Variants in CD8B observed in about 807,000 individuals in gnomAD.
The protein encoded by CD8B is CD8 subunit beta.
Under a neutral mutation model 24.2 loss-of-function variants are expected in CD8B, and 6 were observed. The observed-to-expected ratio is 0.25, with a 90% CI of 0.14 to 0.49. The LOEUF (loss-of-function observed/expected upper bound fraction) is 0.49, where lower values mean the gene tolerates loss of function less well. Ranked by LOEUF, CD8B falls within the 20% of genes least tolerant of loss-of-function variation. The probability of loss-of-function intolerance (pLI) is 0.98; values close to 1 mark genes in which losing one functional copy is unlikely to be tolerated. For missense variants in CD8B, 196 were observed against 271.3 expected, an observed-to-expected ratio of 0.72 and a Z score of 1.95; for synonymous variants, 84 against 108.3, an observed-to-expected ratio of 0.78 and a Z score of 1.39.
chr2:86,833,548 G>A (rs566204307), downstream of CD8B, among the ~76,000 whole-genome samples: 3 of 77,610 alleles, frequency 3.9e-5, no homozygotes, highest in African/African-American at 5.3e-5. Flanking sequence ...CCTCCCGTCC[G>A]CTCTCCTCCC....
At chr2:86,832,222 TA>T (rs1674928886) in intron 5 of CD8B, among the ~76,000 whole-genome samples, 1 of 152,208 alleles carries the variant, frequency 6.6e-6, no homozygotes, top group South Asian at 2.1e-4. Context: ...CTCACGCCTG[TA>T]ATCCCAGCAC....
intron 5 of CD8B, among the ~76,000 whole-genome samples, chr2:86,819,064 C>T (rs1011234953): frequency 1.3e-5 from 2 of 152,182 alleles, no homozygotes; most frequent in Non-Finnish European, 2.9e-5. Context: ...AGTCCCAACT[C>T]TCTTAAATTT....
rs2104539112 is a variant in CD8B at position 86,841,701 on chromosome 2, G to A, written c.*606C>T. The A allele has an allele frequency of 1.0e-6, 1 of 985,514 alleles. No individual in the cohort carries two copies. The highest frequency in any genetic ancestry group is 1.2e-6 in the Non-Finnish European group (1 of 829,990). The allele number at this position is 985,514 out of a possible 1,614,324, so 61.0% of individuals were successfully genotyped here. A position where few individuals can be genotyped will look rare whatever the true frequency, so the allele number is the denominator to read the frequency against. Reference sequence around the variant, plus strand: ...GAAATGGGAGCTGAGAAACTTAAGAGTAGAAATGGGAGCTGAGAAGATGAA... The same window carrying A: ...GAAATGGGAGCTGAGAAACTTAAGAATAGAAATGGGAGCTGAGAAGATGAA... On this transcript the variant is annotated 3_prime_UTR_variant, in exon 6 of 6. Transcript: ENST00000390655.
intron 5 of CD8B, among the ~76,000 whole-genome samples, chr2:86,816,503 A>T (rs991990460): frequency 6.6e-6 from 1 of 152,212 alleles, no homozygotes. Context: ...GGGACCCATT[A>T]TTCCACATAT....
chr2:86,840,839 G>A lies in CD8B; in HGVS notation c.*1468C>T, dbSNP rs1030362387. 2.0e-5 allele frequency among the ~76,000 whole-genome samples: 3 copies of A among 152,070 alleles called. No homozygotes were observed. The highest frequency in any genetic ancestry group is 1.3e-4 in the Admixed American group (2 of 15,258). ...CACCACACCTCATTCTGCTGCGGCC[G>A]CACCCCAGATGCCAGGAGAAGGTCA... On this transcript the variant is annotated 3_prime_UTR_variant, in exon 6 of 6. Transcript: ENST00000390655.
At chr2:86,833,535 T>G, downstream of CD8B, among the ~76,000 whole-genome samples, 2 of 78,912 alleles carry the variant, frequency 2.5e-5, no homozygotes, top group South Asian at 5.2e-4. Context: ...TCCGCTCTCC[T>G]CCCCTCCCGT....
intron 1 of CD8B, among the ~76,000 whole-genome samples, chr2:86,861,574 T>C (rs1313164083): frequency 6.6e-6 from 1 of 152,172 alleles, no homozygotes; most frequent in East Asian, 1.9e-4. Context: ...CCCCTTCTCC[T>C]GCGTCCAGGC....
At chr2:86,821,781 C>A (rs1429736691) in intron 5 of CD8B, 2 of 413,520 alleles carry the variant, frequency 4.8e-6, no homozygotes, top group Non-Finnish European at 1.0e-5. Flanking sequence ...CAGGGGAAAG[C>A]CCCCACAAAC....
At chr2:86,858,530 T>C (rs1676403458) in intron 1 of CD8B, 114 bp from the exon 2 acceptor site, 1 of 1,454,348 alleles carries the variant, frequency 6.9e-7, no homozygotes, top group African/African-American at 1.5e-5. Context: ...CCTGCCCAGT[T>C]ACTGGGTCCA....
intron 4 of CD8B, among the ~76,000 whole-genome samples, chr2:86,845,427 A>G (rs1234389169): frequency 6.6e-6 from 1 of 151,746 alleles, no homozygotes; most frequent in Non-Finnish European, 1.5e-5. Context: ...AAGCATGTCT[A>G]TTGACATTTG....
intron 5 of CD8B, among the ~76,000 whole-genome samples, chr2:86,827,937 C>G (rs1674756699): frequency 6.6e-6 from 1 of 152,182 alleles, no homozygotes; most frequent in African/African-American, 2.4e-5. Context: ...ACTGCCTTGG[C>G]TCTTGTTCCC....
At chr2:86,832,474 T>C (rs1248629578) in intron 5 of CD8B, among the ~76,000 whole-genome samples, 1 of 128,960 alleles carries the variant, frequency 7.8e-6, no homozygotes, top group East Asian at 2.0e-4. Context: ...TGAGACTCGA[T>C]CTCAAAAAAT....
chr2:86,847,477 C>G (rs1675742751), intron 3 of CD8B, among the ~76,000 whole-genome samples: 1 of 152,172 alleles, frequency 6.6e-6, no homozygotes, highest in South Asian at 2.1e-4. Context: ...GAATTAATCA[C>G]CACTGATAAT....
At chr2:86,843,069 A>C (rs1675511784) in intron 5 of CD8B, among the ~76,000 whole-genome samples, 1 of 152,198 alleles carries the variant, frequency 6.6e-6, no homozygotes, top group South Asian at 2.1e-4. Flanking sequence ...ATGAAAGGTC[A>C]TCATGGGAGA....
intron 5 of CD8B, among the ~76,000 whole-genome samples, chr2:86,830,824 T>TA (rs138333209): frequency 0.011 from 1,700 of 152,280 alleles, 37 homozygotes; most frequent in African/African-American, 0.039. Context: ...AAAATCCATT[T>TA]AAAAATGCAT....
chr2:86,831,998 A>G (rs1674920317), intron 5 of CD8B, among the ~76,000 whole-genome samples: 1 of 152,234 alleles, frequency 6.6e-6, no homozygotes, highest in Non-Finnish European at 1.5e-5. Context: ...AACAAATGCC[A>G]CTGCTGTAAG....
chr2:86,834,205 C>A (rs1675074725), downstream of CD8B, among the ~76,000 whole-genome samples: 1 of 152,038 alleles, frequency 6.6e-6, no homozygotes, highest in South Asian at 2.1e-4. Flanking sequence ...ATGGTGCCCA[C>A]CTGTTTTCCA....
intron 2 of CD8B, among the ~76,000 whole-genome samples, chr2:86,853,755 G>A (rs1676091900): frequency 6.6e-6 from 1 of 152,038 alleles, no homozygotes; most frequent in Admixed American, 6.6e-5. Flanking sequence ...GCCCAGGCTG[G>A]AGGGCAGTGG....
intron 5 of CD8B, among the ~76,000 whole-genome samples, chr2:86,822,005 C>T (rs1166745350): frequency 1.3e-5 from 2 of 152,314 alleles, no homozygotes; most frequent in South Asian, 2.1e-4. Context: ...CCTTTTGCAA[C>T]TCCGAGCAAC....
Sources: allele counts gnomAD v4.1 joint callset (sites outside exome capture counted in the v4.1 genomes callset), GRCh38; gene constraint gnomAD v4.1.1; transcripts MANE v1.5; gene names NCBI Gene and HGNC (gene_info 2026-07-23, HGNC 2026-07-21).